Variants in FBXO42 observed in about 807,000 individuals in gnomAD.
The protein encoded by FBXO42 is F-box only protein 42.
A neutral mutation model predicts 71.7 loss-of-function variants in FBXO42; 12 were observed. The observed-to-expected ratio is 0.17, with a 90% CI of 0.11 to 0.27. FBXO42 has a LOEUF of 0.27. Ranked by LOEUF, FBXO42 falls within the 10% of genes least tolerant of loss-of-function variation. The pLI is 1.00. For synonymous variants in FBXO42, 325 were observed against 327.5 expected, an observed-to-expected ratio of 0.99 and a Z score of 0.08; for missense variants, 707 against 911.9, an observed-to-expected ratio of 0.78 and a Z score of 2.89.
rs138514594 is a variant in FBXO42, at chr1:16,316,442, ATAG to A, written c.-17-1010_-17-1008del. On this transcript the variant is annotated intron_variant, in intron 1 of 9. Transcript: ENST00000375592. Reference sequence around the variant, plus strand: ...TAGTGGTTATTTCCACTTACAAAATATAGTAGTTCTTGGTTGGGTGCAGTGGCT... The same window carrying A: ...TAGTGGTTATTTCCACTTACAAAATATAGTTCTTGGTTGGGTGCAGTGGCT... 5.1e-3 allele frequency among the ~76,000 whole-genome samples: 779 copies of A among 152,148 alleles called. 12 individuals are homozygous for A. Among genetic ancestry groups the A allele is most frequent in the East Asian group, 0.051 (264 of 5,174 alleles).
intron 1 of FBXO42, among the ~76,000 whole-genome samples, chr1:16,331,401 C>T (rs1035908593): frequency 8.7e-5 from 13 of 149,526 alleles, no homozygotes; most frequent in African/African-American, 2.2e-4. Context: ...GGCGACAGAG[C>T]GAGACTCTGT....
intron 4 of FBXO42, among the ~76,000 whole-genome samples, chr1:16,263,415 C>A (rs1361463935): frequency 1.3e-5 from 2 of 151,930 alleles, no homozygotes; most frequent in Non-Finnish European, 2.9e-5. Flanking sequence ...TGCACTCCAG[C>A]CTGGGTGGCA....
chr1:16,314,272 A>T (rs555700890), intron 2 of FBXO42, among the ~76,000 whole-genome samples: 1 of 152,310 alleles, frequency 6.6e-6, no homozygotes, highest in South Asian at 2.1e-4. Context: ...TTAAAAAGTA[A>T]AAGATGTATA....
intron 1 of FBXO42, among the ~76,000 whole-genome samples, chr1:16,322,368 G>C (rs937287508): frequency 3.9e-5 from 6 of 152,110 alleles, no homozygotes; most frequent in Non-Finnish European, 7.3e-5. Flanking sequence ...ATGAGGTCAG[G>C]AGTTCAAGAC....
intron 1 of FBXO42, among the ~76,000 whole-genome samples, chr1:16,324,912 T>C (rs2082438272): frequency 6.6e-6 from 1 of 152,144 alleles, no homozygotes; most frequent in Non-Finnish European, 1.5e-5. Flanking sequence ...CAAATTATTG[T>C]AACTTAAACT....
chr1:16,253,518 A>T, intron 7 of FBXO42, 117 bp downstream of exon 7: 1 of 785,862 alleles, frequency 1.3e-6, no homozygotes, highest in South Asian at 1.8e-5. Flanking sequence ...AAAAAGAATG[A>T]TACATTTTCT....
intron 4 of FBXO42, among the ~76,000 whole-genome samples, chr1:16,288,080 A>C (rs1019270449): frequency 2.0e-5 from 3 of 152,146 alleles, no homozygotes; most frequent in Non-Finnish European, 2.9e-5. Flanking sequence ...CAGGAGATGG[A>C]GTGAGCCGAG....
chr1:16,332,623 C>A (rs2082511104), intron 1 of FBXO42, among the ~76,000 whole-genome samples: 1 of 151,792 alleles, frequency 6.6e-6, no homozygotes, highest in Admixed American at 6.6e-5. Flanking sequence ...TCACTGCAAC[C>A]CCCGTCTCCA....
intron 2 of FBXO42, among the ~76,000 whole-genome samples, chr1:16,314,878 C>T (rs1002207600): frequency 2.7e-5 from 4 of 149,006 alleles, no homozygotes; most frequent in African/African-American, 4.9e-5. Flanking sequence ...AGTGAGACTC[C>T]GTCTGAAAAA....
intron 3 of FBXO42, among the ~76,000 whole-genome samples, chr1:16,302,552 C>T (rs986449923): frequency 2.0e-5 from 3 of 152,142 alleles, no homozygotes; most frequent in African/African-American, 7.2e-5. Flanking sequence ...CTCTGTTGCC[C>T]AGGCTGTAGT....
At chr1:16,327,590 A>G (rs2100601245) in intron 1 of FBXO42, among the ~76,000 whole-genome samples, 1 of 152,332 alleles carries the variant, frequency 6.6e-6, no homozygotes, top group Non-Finnish European at 1.5e-5. Context: ...AAACCATTCA[A>G]TTCTTTAAAG....
chr1:16,260,609 G>T (rs1186579664), intron 4 of FBXO42, among the ~76,000 whole-genome samples: 1 of 152,082 alleles, frequency 6.6e-6, no homozygotes, highest in Non-Finnish European at 1.5e-5. Flanking sequence ...GAAACCTGAG[G>T]GCACAACTCT....
At chr1:16,351,137 G>A (rs1489798225) in intron 1 of FBXO42, among the ~76,000 whole-genome samples, 1 of 152,148 alleles carries the variant, frequency 6.6e-6, no homozygotes, top group Non-Finnish European at 1.5e-5. Flanking sequence ...CAGAAGTAAA[G>A]CCAATTTGTT....
At chr1:16,279,068 G>A (rs1032742666) in intron 4 of FBXO42, among the ~76,000 whole-genome samples, 10 of 152,070 alleles carry the variant, frequency 6.6e-5, no homozygotes, top group Admixed American at 4.6e-4. Flanking sequence ...GAGCCACCGC[G>A]CCCAGCCTAG....
intron 4 of FBXO42, among the ~76,000 whole-genome samples, chr1:16,285,674 A>G (rs913404105): frequency 6.6e-6 from 1 of 152,156 alleles, no homozygotes; most frequent in East Asian, 1.9e-4. Flanking sequence ...CAGTCTTTAC[A>G]TGACTTGACC....
At chr1:16,256,164 C>A (rs960301664) in intron 5 of FBXO42, among the ~76,000 whole-genome samples, 1 of 152,164 alleles carries the variant, frequency 6.6e-6, no homozygotes, top group Non-Finnish European at 1.5e-5. Context: ...ACAAGCGCCA[C>A]GTACTAAGTC....
chr1:16,311,414 G>A (rs1424473163), intron 2 of FBXO42, among the ~76,000 whole-genome samples: 1 of 148,504 alleles, frequency 6.7e-6, no homozygotes, highest in Non-Finnish European at 1.5e-5. Context: ...CTTGAGTCCA[G>A]GAAGTCAAGG....
chr1:16,268,843 GGT>G (rs1328087314), intron 4 of FBXO42, among the ~76,000 whole-genome samples: 7 of 151,308 alleles, frequency 4.6e-5, no homozygotes, highest in Non-Finnish European at 1.0e-4. Flanking sequence ...AAATGAGCTG[GGT>G]GTGGTGGCAC....
chr1:16,327,181 G>C (rs2082459199), intron 1 of FBXO42, among the ~76,000 whole-genome samples: 1 of 152,010 alleles, frequency 6.6e-6, no homozygotes, highest in Non-Finnish European at 1.5e-5. Flanking sequence ...TACTGACGAG[G>C]GATGTTAATG....
Sources: allele counts gnomAD v4.1 joint callset (sites outside exome capture counted in the v4.1 genomes callset), GRCh38; gene constraint gnomAD v4.1.1; transcripts MANE v1.5; gene names NCBI Gene and HGNC (gene_info 2026-07-23, HGNC 2026-07-21).